The following RBMS3 variants were observed in gnomAD, a reference collection of about 807,000 sequenced individuals.
RBMS3 encodes RNA-binding motif, single-stranded-interacting protein 3.
In RBMS3, 27 loss-of-function variants were observed where a neutral mutation model predicts 66.8. The ratio of observed to expected loss-of-function variants is 0.40; its 90% CI spans 0.30 to 0.56. The LOEUF is 0.56. RBMS3 is among the 20% of genes least tolerant of loss of function. The pLI, the probability that RBMS3 is intolerant of heterozygous loss-of-function variation, is 0.40. For missense variants in RBMS3, 513 were observed against 549.5 expected (o/e 0.93, Z 0.66); for synonymous variants, 188 against 183.0 (o/e 1.03, Z -0.22).
intron 3 of RBMS3, among the ~76,000 whole-genome samples, chr3:29,551,626 A>G (rs1012466526): frequency 9.9e-5 from 15 of 152,192 alleles, no homozygotes; most frequent in Non-Finnish European, 1.9e-4. Context: ...TCATTACAGG[A>G]CATATGTCTT....
At chr3:29,743,390 G>T (rs1338266335) in intron 5 of RBMS3, among the ~76,000 whole-genome samples, 1 of 152,198 alleles carries the variant, frequency 6.6e-6, no homozygotes, top group Non-Finnish European at 1.5e-5. Context: ...GCAAGTGAGA[G>T]AAATTATTGT....
intron 3 of RBMS3, among the ~76,000 whole-genome samples, chr3:29,502,582 T>C (rs1252140744): frequency 6.8e-6 from 1 of 147,658 alleles, no homozygotes; most frequent in Non-Finnish European, 1.5e-5. Context: ...TGTCACTGAA[T>C]ATAGATATAA....
At chr3:29,955,933 G>A (rs961623312) in intron 12 of RBMS3, among the ~76,000 whole-genome samples, 8 of 151,930 alleles carry the variant, frequency 5.3e-5, no homozygotes, top group African/African-American at 1.4e-4. Context: ...ATTTGACACT[G>A]CAATATTTTA....
chr3:29,901,188 G>A (rs2060244357), intron 10 of RBMS3, among the ~76,000 whole-genome samples: 2 of 151,644 alleles, frequency 1.3e-5, no homozygotes, highest in South Asian at 4.1e-4. Flanking sequence ...ACACTTTTCT[G>A]TCCAAGTCAT....
At chr3:29,453,545 G>C (rs1559373765) in intron 2 of RBMS3, among the ~76,000 whole-genome samples, 1 of 152,206 alleles carries the variant, frequency 6.6e-6, no homozygotes, top group Non-Finnish European at 1.5e-5. Context: ...CCAAACCCTT[G>C]AGGCTTTCTC....
chr3:29,658,283 G>A (rs889210997), intron 4 of RBMS3, among the ~76,000 whole-genome samples: 1 of 152,134 alleles, frequency 6.6e-6, no homozygotes, highest in Non-Finnish European at 1.5e-5. Flanking sequence ...TTCTTACAGA[G>A]CAAAAGAACT....
chr3:29,739,638 C>T (rs562271520), intron 4 of RBMS3, 82 bp from the exon 5 acceptor site: 15 of 1,257,720 alleles, frequency 1.2e-5, no homozygotes, highest in Admixed American at 2.6e-5. Flanking sequence ...ATCTAGATTG[C>T]AGTTTAAACA....
chr3:29,364,498 A>G (rs1216717884), intron 1 of RBMS3, among the ~76,000 whole-genome samples: 2 of 152,200 alleles, frequency 1.3e-5, no homozygotes, highest in Non-Finnish European at 2.9e-5. Flanking sequence ...GACAACCTAA[A>G]TATATTAATT....
At chr3:29,597,832 T>C (rs1178276429) in intron 4 of RBMS3, among the ~76,000 whole-genome samples, 2 of 152,116 alleles carry the variant, frequency 1.3e-5, no homozygotes, top group Admixed American at 1.3e-4. Flanking sequence ...TAAGAGCTCA[T>C]TTTTTCATAC....
chr3:29,775,241 T>A (rs889711223), intron 6 of RBMS3, among the ~76,000 whole-genome samples: 20 of 135,112 alleles, frequency 1.5e-4, no homozygotes, highest in Admixed American at 6.5e-4. Context: ...TACCAGTTTT[T>A]TTTTATTTTT....
intron 8 of RBMS3, among the ~76,000 whole-genome samples, chr3:29,892,929 A>G (rs1354008662): frequency 2.0e-5 from 3 of 151,088 alleles, no homozygotes; most frequent in Non-Finnish European, 3.0e-5. Flanking sequence ...ACTGAAAAAA[A>G]GCTAAGAGAT....
chr3:29,365,046 T>C (rs904549123), intron 1 of RBMS3, among the ~76,000 whole-genome samples: 3 of 152,104 alleles, frequency 2.0e-5, no homozygotes, highest in Non-Finnish European at 4.4e-5. Context: ...AAATGGAATA[T>C]CGTATAAAAT....
chr3:29,332,546 A>G (rs2035724950), intron 1 of RBMS3, among the ~76,000 whole-genome samples: 1 of 152,168 alleles, frequency 6.6e-6, no homozygotes, highest in Non-Finnish European at 1.5e-5. Flanking sequence ...CCTGGGCATG[A>G]TTGTTCCGGA....
chr3:29,320,090 C>G (rs60184908), intron 1 of RBMS3, among the ~76,000 whole-genome samples: 8,100 of 152,044 alleles, frequency 0.053, 536 homozygotes, highest in East Asian at 0.29. Flanking sequence ...TCATCAAGTC[C>G]TTTTCCTCTA....
At chr3:29,534,538 A>G (rs2045479812) in intron 3 of RBMS3, among the ~76,000 whole-genome samples, 1 of 152,218 alleles carries the variant, frequency 6.6e-6, no homozygotes, top group African/African-American at 2.4e-5. Context: ...GATAATTTAC[A>G]TCTGTTAAAT....
intron 10 of RBMS3, among the ~76,000 whole-genome samples, chr3:29,929,157 A>G (rs576949476): frequency 2.0e-5 from 3 of 152,304 alleles, no homozygotes; most frequent in Non-Finnish European, 4.4e-5. Flanking sequence ...TAAGTGTCCT[A>G]TTGCATATTC....
intron 10 of RBMS3, among the ~76,000 whole-genome samples, chr3:29,915,669 A>G (rs575965743): frequency 1.2e-4 from 18 of 151,978 alleles, no homozygotes; most frequent in Non-Finnish European, 2.5e-4. Flanking sequence ...GGATTCATTG[A>G]CAGACAATCA....
At chr3:29,687,199 A>G (rs1186525437) in intron 4 of RBMS3, among the ~76,000 whole-genome samples, 4 of 152,216 alleles carry the variant, frequency 2.6e-5, no homozygotes, top group East Asian at 3.9e-4. Context: ...GGACATGGCT[A>G]CAGATAATAG....
chr3:29,974,170 A>C (rs1346385050), intron 12 of RBMS3, among the ~76,000 whole-genome samples: 1 of 151,928 alleles, frequency 6.6e-6, no homozygotes, highest in Non-Finnish European at 1.5e-5. Context: ...CTTCCTAGAA[A>C]TCTTATTACA....
Sources: gnomAD v4.1 joint callset for allele counts (sites outside exome capture counted in the v4.1 genomes callset) on GRCh38, gnomAD v4.1.1 for gene constraint, MANE v1.5 for transcripts, NCBI Gene and HGNC (gene_info 2026-07-23, HGNC 2026-07-21) for gene names.